Variants in ZNF592 observed in about 807,000 individuals in gnomAD.
ZNF592 encodes spinocerebellar ataxia, autosomal recessive 5.
In ZNF592, 11 loss-of-function variants were observed where a neutral mutation model predicts 80.3. That is an observed-to-expected ratio of 0.14 (90% CI 0.09 to 0.23). The LOEUF (loss-of-function observed/expected upper bound fraction) is 0.23. Among genes scored for constraint, ZNF592 ranks in the 10% least tolerant of loss-of-function variants. ZNF592 has a pLI of 1.00. For missense variants in ZNF592, 1,420 were observed against 1,633.9 expected (o/e 0.87, Z 2.26); for synonymous variants, 646 against 640.3 (o/e 1.01, Z -0.13).
intron 5 of ZNF592, among the ~76,000 whole-genome samples, chr15:84,791,874 C>T (rs900539405): frequency 6.6e-6 from 1 of 152,166 alleles, no homozygotes; most frequent in African/African-American, 2.4e-5. Context: ...AGAGGAATGT[C>T]AGGATGAATT....
chr15:84,754,796 T>C (rs1230668251), intron 1 of ZNF592, among the ~76,000 whole-genome samples: 39 of 151,798 alleles, frequency 2.6e-4, no homozygotes. Context: ...TCTATGTGTG[T>C]GATAGATTGT....
rs1963031394 is a variant in ZNF592, at chr15:84,799,519, TTCTGCACCA to T, written c.3137+315_3138-309del. The stretch of plus-strand genomic sequence containing the variant: ...GCATGCACCCCTGGGGCCGAGAGGC[TTCTGCACCA>T]TCTGCCTGTGCCTTGGGGTGGCCCC... On this transcript the variant is annotated intron_variant, in intron 9 of 10. Transcript: ENST00000560079. This position sits in a 1 kb window ranked among gnomAD's most constrained non-coding sequence, Gnocchi z 4.2. Among the ~76,000 whole-genome samples the T allele has an allele frequency of 6.6e-6, 1 of 152,214 alleles. No individual in the cohort carries two copies. Among genetic ancestry groups the T allele is most frequent in the Non-Finnish European group, 1.5e-5 (1 of 68,038 alleles).
At chr15:84,769,378 G>A (rs1036615901) in intron 2 of ZNF592, among the ~76,000 whole-genome samples, 1 of 152,010 alleles carries the variant, frequency 6.6e-6, no homozygotes, top group Non-Finnish European at 1.5e-5. Context: ...AGTGTAAAGG[G>A]ATAAAGATTG....
At position 84,783,407 on chromosome 15, in the gene ZNF592, C is replaced by T; in HGVS notation, c.732C>T (p.Phe244=). Residue 244 remains phenylalanine, a synonymous_variant, in exon 4 of 11, where the codon TTC becomes TTT. Transcript: ENST00000560079. This position sits in a 1 kb window ranked among gnomAD's most constrained non-coding sequence, Gnocchi z 5.0. ...GATTCTTCGGGGAAGCTTTGGAGTT[C>T]AACAGCCATCCTAGCAACAGTATTG... ...ATRFFGEALE[F]NSHPSNSIGE... 1 of 1,614,188 alleles carries T rather than the reference C, an allele frequency of 6.2e-7. No individual in the cohort carries two copies. The highest frequency in any genetic ancestry group is 1.1e-5 in the South Asian group (1 of 91,076).
intron 5 of ZNF592, among the ~76,000 whole-genome samples, chr15:84,794,458 A>G (rs1343356261): frequency 6.7e-6 from 1 of 150,180 alleles, no homozygotes; most frequent in East Asian, 1.9e-4. Context: ...AACGGTGTTG[A>G]TCATGTGCTT....
chr15:84,783,153 A>G lies in ZNF592; in HGVS notation c.478A>G (p.Ile160Val). The G allele has an allele frequency of 2.5e-6, 4 of 1,614,200 alleles. No homozygotes were observed. The highest frequency in any genetic ancestry group is 3.4e-6 in the Non-Finnish European group (4 of 1,180,050). ...TCCCATCAAAGATAACGGATTTGGG[A>G]TAAAGCCCAAACACTCTGACAGTTA... Reference protein sequence around the residue: ...EDPIKDNGFGIKPKHSDSYFP... With the variant: ...EDPIKDNGFGVKPKHSDSYFP... Residue 160 changes from isoleucine to valine, a missense_variant, in exon 4 of 11, where the codon ATA becomes GTA. Transcript: ENST00000560079. This position sits in a 1 kb window ranked among gnomAD's most constrained non-coding sequence, Gnocchi z 5.0.
In ZNF592 at chr15:84,799,853, A is replaced by T. The variant is rs1963040423; in HGVS notation, c.3149A>T (p.Glu1050Val). The change falls in exon 10 of 11, where the codon GAG (glutamate) becomes GTG (valine). Residue 1050 changes from glutamate to valine, a missense_variant. This residue lies in a region of ZNF592 where 331 missense variants were observed against 347.0 expected (regional missense o/e 0.95). Coordinates refer to ENST00000560079, the MANE Select transcript of ZNF592 (RefSeq NM_014630.3). The surrounding 1 kb of genome is among the most constrained non-coding windows in gnomAD (Gnocchi z 4.2). ...KKFYTCGYCT[E>V]DSPSFPRPSL... ...CTGTGCTTCTGCAGGTACTGCACAG[A>T]GGACAGCCCCAGCTTTCCTCGGCCC... The T allele has an allele frequency of 1.2e-6, 2 of 1,614,014 alleles. No homozygotes were observed. Among genetic ancestry groups the T allele is most frequent in the Non-Finnish European group, 1.7e-6 (2 of 1,180,024 alleles).
At chr15:84,780,231 C>T (rs1434915711) in intron 3 of ZNF592, among the ~76,000 whole-genome samples, 2 of 152,140 alleles carry the variant, frequency 1.3e-5, no homozygotes, top group Admixed American at 6.5e-5. Context: ...AGGTGATCCA[C>T]CTACCTCAGC....
Position 84,784,136 on chromosome 15 carries a change from A to G in ZNF592, c.1461A>G (p.Ala487=), listed in dbSNP as rs1292353354. 4 of 1,614,042 alleles carry G rather than the reference A, an allele frequency of 2.5e-6. No individual in the cohort carries two copies. The highest frequency in any genetic ancestry group is 1.3e-5 in the African/African-American group (1 of 74,946). Residue 487 remains alanine, a synonymous_variant, in exon 4 of 11, where the codon GCA becomes GCG. Coordinates refer to ENST00000560079, the MANE Select transcript of ZNF592 (RefSeq NM_014630.3). The surrounding 1 kb of genome is among the most constrained non-coding windows in gnomAD (Gnocchi z 5.8). The part of the protein sequence containing the change: ...SQTGKKQQST[A]LQASTLAPAN... ...CAGGCAAGAAGCAACAGAGCACAGC[A>G]CTGCAGGCATCCACCCTGGCCCCTG...
chr15:84,800,082 C>T (rs1194852811), intron 10 of ZNF592, 105 bp downstream of exon 10: 2 of 1,550,084 alleles, frequency 1.3e-6, no homozygotes, highest in African/African-American at 2.7e-5. Flanking sequence ...ACCAGAGTGA[C>T]AGCTTCCCTC....
chr15:84,796,910 A>G (rs1202884149), intron 5 of ZNF592, among the ~76,000 whole-genome samples: 1 of 151,952 alleles, frequency 6.6e-6, no homozygotes, highest in Non-Finnish European at 1.5e-5. Context: ...CTGAATTTTT[A>G]TTTTTATTTT....
In ZNF592 at chr15:84,798,148, G is replaced by A. The variant is rs1962975047; in HGVS notation, c.2576+103G>A. On this transcript the variant is annotated intron_variant, in intron 6 of 10. Transcript: ENST00000560079. This position sits in a 1 kb window ranked among gnomAD's most constrained non-coding sequence, Gnocchi z 4.5. ...ATGGGTGAGGGAGCTGGGGTTAGTG[G>A]CAGAGGTGCCTGGGGTCGTACTAAG... The A allele has an allele frequency of 1.3e-6, 2 of 1,569,798 alleles. No homozygotes were observed. The highest frequency in any genetic ancestry group is 1.7e-6 in the Non-Finnish European group (2 of 1,153,570).
At position 84,749,967 on chromosome 15, in the gene ZNF592, G is replaced by A. The variant is rs560927424; in HGVS notation, c.-259+1303G>A. On this transcript the variant is annotated intron_variant, in intron 1 of 10. Coordinates refer to ENST00000560079, the MANE Select transcript of ZNF592 (RefSeq NM_014630.3). The stretch of plus-strand genomic sequence containing the variant: ...TGGGAGTACATTGGTAAGCCAGAAA[G>A]ATACCATGTTTTAGTTCTTAGCCAT... Among the ~76,000 whole-genome samples, 62 of 152,374 alleles carry A rather than the reference G, an allele frequency of 4.1e-4. 2 individuals carry two copies. The highest frequency in any genetic ancestry group is 3.7e-3 in the Admixed American group (56 of 15,310).
In ZNF592 at chr15:84,764,759, G is replaced by T; in HGVS notation, c.-206G>T. 2.5e-6 allele frequency: 1 copy of T among 398,814 alleles called. No individual in the cohort carries two copies. Among genetic ancestry groups the T allele is most frequent in the Non-Finnish European group, 4.4e-6 (1 of 226,062 alleles). 24.7% of individuals were successfully genotyped at this position (398,814 alleles called of 1,614,324 possible). A position where few individuals can be genotyped will look rare whatever the true frequency, so the allele number is the denominator to read the frequency against. ...CTAGGTAGAAGTTTTTCCTTTCTCC[G>T]CAGCTCTGCTCCCCTAGCAACGCTC... On this transcript the variant is annotated 5_prime_UTR_variant, in exon 2 of 11. Transcript: ENST00000560079.
chr15:84,782,608 C>T (rs965467996), intron 3 of ZNF592, 49 bp from the exon 4 acceptor site: 1 of 1,562,262 alleles, frequency 6.4e-7, no homozygotes, highest in African/African-American at 1.4e-5. Context: ...TGAAGATGGT[C>T]CAGTGGGACC....
At chr15:84,763,267 T>G (rs900512132) in intron 1 of ZNF592, among the ~76,000 whole-genome samples, 1 of 152,190 alleles carries the variant, frequency 6.6e-6, no homozygotes, top group Non-Finnish European at 1.5e-5. Context: ...CGTGTGTGAT[T>G]AGGGTGACCT....
chr15:84,766,241 T>C (rs1899515793), intron 2 of ZNF592, among the ~76,000 whole-genome samples: 1 of 152,176 alleles, frequency 6.6e-6, no homozygotes. Context: ...CCCTGTGTTA[T>C]TTTGAGGCCA....
Position 84,798,438 on chromosome 15 carries a change from G to A in ZNF592, c.2700G>A (p.Leu900=), listed in dbSNP as rs139338244. ...GVFKCPECPL[L]FVQKPELMQH... is the part of the protein sequence containing the mutation. The stretch of plus-strand genomic sequence containing the variant: ...TCAAGTGCCCTGAGTGCCCACTCTT[G>A]TTCGTGCAGAAGCCGGAGTTGATGC... The change falls in exon 7 of 11, where the codon TTG becomes TTA. Residue 900 remains leucine (L), a synonymous_variant. Coordinates refer to ENST00000560079, the MANE Select transcript of ZNF592 (RefSeq NM_014630.3). This position sits in a 1 kb window ranked among gnomAD's most constrained non-coding sequence, Gnocchi z 4.5. 15 of 1,614,020 alleles carry A rather than the reference G, an allele frequency of 9.3e-6. No individual in the cohort carries two copies. Among genetic ancestry groups the A allele is most frequent in the Non-Finnish European group, 1.3e-5 (15 of 1,179,994 alleles).
At chr15:84,786,182 G>A (rs1017923401) in intron 4 of ZNF592, among the ~76,000 whole-genome samples, 4 of 152,170 alleles carry the variant, frequency 2.6e-5, no homozygotes, top group South Asian at 2.1e-4. Flanking sequence ...GCCGGCAGAA[G>A]GGAGTCTAAC....
Sources: gnomAD v4.1 joint callset for allele counts (sites outside exome capture counted in the v4.1 genomes callset) on GRCh38, gnomAD v4.1.1 for gene constraint, gnomAD v4.1.1 regional missense constraint, Gnocchi (gnomAD v3.1) non-coding constraint, MANE v1.5 for transcripts, NCBI Gene and HGNC (gene_info 2026-07-23, HGNC 2026-07-21) for gene names.